The following WDPCP variants were observed in gnomAD, a reference collection of about 807,000 sequenced individuals.
WDPCP encodes the protein WD repeat-containing and planar cell polarity effector protein fritz homolog.
WDPCP carries 71 observed loss-of-function variants against 93.1 expected under a neutral mutation model. That is an observed-to-expected ratio of 0.76 (90% CI 0.63 to 0.93). The LOEUF is 0.93. WDPCP is among the 40% of genes least tolerant of loss of function. The probability of loss-of-function intolerance (pLI) is 0.00; values close to 1 mark genes in which losing one functional copy is unlikely to be tolerated. For missense variants in WDPCP, 844 were observed against 887.4 expected, an observed-to-expected ratio of 0.95 and a Z score of 0.62; for synonymous variants, 315 against 315.0, an observed-to-expected ratio of 1.00 and a Z score of 0.00.
chr2:63,353,091 A>G (rs1187341190), intron 12 of WDPCP, among the ~76,000 whole-genome samples: 1 of 152,136 alleles, frequency 6.6e-6, no homozygotes, highest in Non-Finnish European at 1.5e-5. Context: ...GAGCCAGGGA[A>G]GCAGTGAATG....
intron 12 of WDPCP, among the ~76,000 whole-genome samples, chr2:63,321,272 T>C (rs1387321261): frequency 6.6e-6 from 1 of 152,116 alleles, no homozygotes; most frequent in African/African-American, 2.4e-5. Context: ...ATGTAACTGA[T>C]ATTATAGAAC....
chr2:63,319,564 C>A (rs1454724534), intron 12 of WDPCP, among the ~76,000 whole-genome samples: 1 of 152,046 alleles, frequency 6.6e-6, no homozygotes, highest in Non-Finnish European at 1.5e-5. Flanking sequence ...ATCAGAGAAC[C>A]ACCTCCTGGG....
At chr2:63,545,091 A>T (rs1053623656) in intron 1 of WDPCP, among the ~76,000 whole-genome samples, 1 of 151,974 alleles carries the variant, frequency 6.6e-6, no homozygotes, top group African/African-American at 2.4e-5. Flanking sequence ...AGACTTTATG[A>T]TCCATTATCT....
intron 10 of WDPCP, among the ~76,000 whole-genome samples, chr2:63,401,183 G>T (rs1381196512): frequency 2.6e-5 from 4 of 152,134 alleles, no homozygotes; most frequent in Admixed American, 2.0e-4. Context: ...CACAGCCAAA[G>T]AAACTATCAT....
At chr2:63,738,393 T>TTTTTTTTTTTTTTTTTTGAGACGGA (rs1553453624) in intron 2 of WDPCP, among the ~76,000 whole-genome samples, 1 of 151,132 alleles carries the variant, frequency 6.6e-6, no homozygotes, top group African/African-American at 2.4e-5. Context: ...GGGCTACTAT[T>TTTTTTTTTTTTTTTTTTGAGACGGA]GACATTTGCT....
intron 13 of WDPCP, among the ~76,000 whole-genome samples, chr2:63,295,778 G>GAACAACAAC (rs146176174): frequency 6.7e-6 from 1 of 149,082 alleles, no homozygotes; most frequent in Non-Finnish European, 1.5e-5. Flanking sequence ...AAAAATCTTC[G>GAACAACAAC]AACAACAACA....
At chr2:63,605,533 G>A (rs569256004) in intron 3 of WDPCP, 43 of 661,062 alleles carry the variant, frequency 6.5e-5, no homozygotes, top group South Asian at 5.3e-4. Flanking sequence ...AGTAAACTTC[G>A]GGGTTTGTTA....
chr2:63,731,006 C>T (rs569319147), intron 2 of WDPCP, among the ~76,000 whole-genome samples: 62 of 152,050 alleles, frequency 4.1e-4, no homozygotes, highest in Non-Finnish European at 7.1e-4. Flanking sequence ...TACGGTGGCT[C>T]ATGCCTGTAA....
In WDPCP at chr2:63,762,242, G is replaced by C. The variant is rs576322549; in HGVS notation, n.308+51380C>G. Among the ~76,000 whole-genome samples the C allele has an allele frequency of 1.6e-3, 248 of 152,196 alleles. 2 individuals are homozygous for C. Among genetic ancestry groups the C allele is most frequent in the Non-Finnish European group, 2.9e-3 (199 of 68,012 alleles). On this transcript the variant is annotated intron_variant and non_coding_transcript_variant, in intron 2 of 4. Coordinates refer to the WDPCP transcript ENST00000467687. ...AAAAGAGAAGAGTTGGTGACTGAGGGGACCAACGAGGCTGCAGAGGAGGAT... is the reference window on the plus strand; with the variant it reads ...AAAAGAGAAGAGTTGGTGACTGAGGCGACCAACGAGGCTGCAGAGGAGGAT...
intron 9 of WDPCP, among the ~76,000 whole-genome samples, chr2:63,426,582 C>T (rs1558618854): frequency 6.6e-6 from 1 of 152,132 alleles, no homozygotes; most frequent in African/African-American, 2.4e-5. Context: ...ACAATACCTG[C>T]TACCACAAAA....
At chr2:63,400,707 C>T (rs149822966) in intron 10 of WDPCP, among the ~76,000 whole-genome samples, 28 of 152,172 alleles carry the variant, frequency 1.8e-4, no homozygotes, top group Admixed American at 1.4e-3. Context: ...CAAAAGAACA[C>T]GCTGGAGGCA....
At chr2:63,272,138 A>C (rs995970760) in intron 13 of WDPCP, among the ~76,000 whole-genome samples, 1 of 152,148 alleles carries the variant, frequency 6.6e-6, no homozygotes, top group African/African-American at 2.4e-5. Flanking sequence ...TTGCTGCCTG[A>C]AGACCAGCCC....
chr2:63,326,708 CAG>C (rs750353598), intron 12 of WDPCP, among the ~76,000 whole-genome samples: 5 of 148,844 alleles, frequency 3.4e-5, no homozygotes, highest in African/African-American at 1.2e-4. Context: ...AGGAGACAGA[CAG>C]AAAGTCAGAG....
chr2:63,225,866 T>G (rs1678250354), intron 14 of WDPCP, among the ~76,000 whole-genome samples: 1 of 151,870 alleles, frequency 6.6e-6, no homozygotes, highest in Admixed American at 6.6e-5. Flanking sequence ...ATTTATAGTA[T>G]TAGAAGGCAG....
chr2:63,664,679 T>A (rs947301110), intron 2 of WDPCP, among the ~76,000 whole-genome samples: 2 of 152,044 alleles, frequency 1.3e-5, no homozygotes, highest in Admixed American at 1.3e-4. Flanking sequence ...ATATAACAAA[T>A]GTCCACTACC....
At chr2:63,723,598 A>G (rs1669457133) in intron 2 of WDPCP, among the ~76,000 whole-genome samples, 1 of 152,210 alleles carries the variant, frequency 6.6e-6, no homozygotes, top group Non-Finnish European at 1.5e-5. Context: ...TAGTTGTTGA[A>G]TTATGGACAA....
At chr2:63,667,030 A>G (rs1264258281) in intron 2 of WDPCP, among the ~76,000 whole-genome samples, 1 of 152,142 alleles carries the variant, frequency 6.6e-6, no homozygotes, top group Non-Finnish European at 1.5e-5. Flanking sequence ...GGAAACACCC[A>G]TAAACACTTT....
At chr2:63,286,775 T>C in intron 13 of WDPCP, among the ~76,000 whole-genome samples, 1 of 152,360 alleles carries the variant, frequency 6.6e-6, no homozygotes, top group South Asian at 2.1e-4. Flanking sequence ...GCTAGCTTAT[T>C]CTGTGGTTTC....
intron 3 of WDPCP, among the ~76,000 whole-genome samples, 171 bp from the exon 4 acceptor site, chr2:63,486,757 A>G (rs774437436): frequency 1.3e-5 from 2 of 152,054 alleles, no homozygotes; most frequent in Non-Finnish European, 2.9e-5. Context: ...AAAAAATGCC[A>G]TAATTTGGAT....
Sources: allele counts gnomAD v4.1 joint callset (sites outside exome capture counted in the v4.1 genomes callset), GRCh38; gene constraint gnomAD v4.1.1; transcripts MANE v1.5; gene names NCBI Gene and HGNC (gene_info 2026-07-23, HGNC 2026-07-21).